Variants in CD7 observed in about 807,000 individuals in gnomAD.
CD7 encodes CD7 molecule, also known as T-cell antigen CD7.
Under a neutral mutation model 17.6 loss-of-function variants are expected in CD7, and 19 were observed. The observed-to-expected ratio is 1.08, with a 90% CI of 0.75 to 1.58. The LOEUF (loss-of-function observed/expected upper bound fraction) is 1.58. Ranked by LOEUF, CD7 falls within the 40% of genes most tolerant of loss-of-function variation. The pLI is 0.00. For synonymous variants in CD7, 160 were observed against 159.8 expected (o/e 1.00, Z -0.01); for missense variants, 291 against 327.1 (o/e 0.89, Z 0.85).
At position 82,315,337 on chromosome 17, in the gene CD7, G is replaced by C; in HGVS notation, c.707C>G (p.Pro236Arg). 1.2e-6 allele frequency: 2 copies of C among 1,612,704 alleles called. No homozygotes were observed. Among genetic ancestry groups the C allele is most frequent in the South Asian group, 1.1e-5 (1 of 91,022 alleles). The change falls in exon 4 of 4, where the codon CCC (proline) becomes CGC (arginine). Residue 236 changes from proline to arginine, a missense_variant. Coordinates refer to ENST00000312648, the MANE Select transcript of CD7 (RefSeq NM_006137.7). ...CCCACTGGGTCACTGGTACTGGTTG[G>C]GGGAGGACAGCGTGTTGCAGCGGCT... ...SHSRCNTLSS[P>R]NQYQ
Position 82,315,383 on chromosome 17 carries a change from C to G in CD7, c.661G>C (p.Val221Leu), listed in dbSNP as rs767794706. Residue 221 changes from valine (V) to leucine (L), a missense_variant, in exon 4 of 4, where the codon GTG (valine) becomes CTG (leucine). Coordinates refer to ENST00000312648, the MANE Select transcript of CD7 (RefSeq NM_006137.7). ...CGGCTGTGCGACATGTCCTCGTACACCACACATGCCGCCGAATTCTTATCC... is the reference window on the plus strand; with the variant it reads ...CGGCTGTGCGACATGTCCTCGTACAGCACACATGCCGCCGAATTCTTATCC... ...WRDKNSAACV[V>L]YEDMSHSRCN... 4 of 1,613,506 alleles carry G rather than the reference C, an allele frequency of 2.5e-6. No homozygotes were observed. The South Asian group carries it at 4.4e-5, about 18-fold the overall frequency.
In CD7 at chr17:82,315,349, G is replaced by A. The variant is rs143079752; in HGVS notation, c.695C>T (p.Thr232Met). 1.3e-4 allele frequency: 214 copies of A among 1,613,414 alleles called. No individual in the cohort carries two copies. In the East Asian group the frequency reaches 1.8e-3, roughly 14 times the overall value. The change falls in exon 4 of 4, where the codon ACG becomes ATG. Residue 232 changes from threonine to methionine, a missense_variant. By Grantham distance (81) the Thr-to-Met change is moderately conservative. Transcript: ENST00000312648. ...CTGGTACTGGTTGGGGGAGGACAGC[G>A]TGTTGCAGCGGCTGTGCGACATGTC... is the stretch of plus-strand genomic sequence containing the variant. ...YEDMSHSRCN[T>M]LSSPNQYQ
intron 2 of CD7, 32 bp downstream of exon 2, chr17:82,316,635 G>A (rs1286582146): frequency 6.3e-7 from 1 of 1,597,292 alleles, no homozygotes; most frequent in Non-Finnish European, 8.5e-7. Flanking sequence ...GCTGGGGTTG[G>A]GAGGGGGGTC....
Position 82,316,570 on chromosome 17 carries a change from C to T in CD7, c.397+97G>A, listed in dbSNP as rs563506629. ...GCTGGGAGCTGGAACAGTTCAGGCA[C>T]ATGTAGGAGGGAGGGTCCCACGACA... On this transcript the variant is annotated intron_variant, in intron 2 of 3. Coordinates refer to ENST00000312648, the MANE Select transcript of CD7 (RefSeq NM_006137.7). 25 of 1,392,138 alleles carry T rather than the reference C, an allele frequency of 1.8e-5. No individual in the cohort carries two copies. The African/African-American group carries it at 3.3e-4, about 18-fold the overall frequency. The allele number at this position is 1,392,138 out of a possible 1,614,324, so 86.2% of individuals were successfully genotyped here. A position where few individuals can be genotyped will look rare whatever the true frequency, so the allele number is the denominator to read the frequency against.
chr17:82,316,342 TG>T lies in CD7; in HGVS notation c.464del (p.Pro155HisfsTer31). ...GGTCAGGGAGGGCGGAGCCTGTCGG[TG>T]GGGCAGGGAGGGCAGAGGCCCTTGG... is the stretch of plus-strand genomic sequence containing the variant. Reference protein sequence around the residue: ...APPRASALPAPPTGSALPDPQ... With the variant: ...APPRASALPAXPTGSALPDPQ... On this transcript the variant is annotated frameshift_variant, in exon 3 of 4. Transcript: ENST00000312648. LOFTEE classifies it high-confidence loss of function. 6.3e-7 allele frequency: 1 copy of T among 1,588,816 alleles called. No individual in the cohort carries two copies. The highest frequency in any genetic ancestry group is 8.6e-7 in the Non-Finnish European group (1 of 1,167,348).
Position 82,316,748 on chromosome 17 carries a change from G to C in CD7, c.316C>G (p.Leu106Val), listed in dbSNP as rs747444160. ...CAGGTGTAGGTGCCAGTGTCCGACAGCTGCAGGCGGTGCATGGTGATAGTC... is the reference window on the plus strand; with the variant it reads ...CAGGTGTAGGTGCCAGTGTCCGACACCTGCAGGCGGTGCATGGTGATAGTC... ...NLTITMHRLQ[L>V]SDTGTYTCQA... The change falls in exon 2 of 4, where the codon CTG (leucine) becomes GTG (valine). Residue 106 changes from leucine (L) to valine (V), a missense_variant. Physicochemically the swap from Leu to Val is conservative, Grantham distance 32. Transcript: ENST00000312648. The C allele has an allele frequency of 3.7e-6, 6 of 1,613,776 alleles. No homozygotes were observed. The Admixed American group carries it at 1.0e-4, about 27-fold the overall frequency.
intron 2 of CD7, 102 bp from the exon 3 acceptor site, chr17:82,316,511 G>C (rs932966212): frequency 1.6e-6 from 2 of 1,265,582 alleles, no homozygotes; most frequent in East Asian, 2.5e-5. Flanking sequence ...AGGGGAGGAG[G>C]GGCAGCTATC....
At chr17:82,317,035 C>A (rs1002579673) in intron 1 of CD7, 54 bp from the exon 2 acceptor site, 2 of 1,481,246 alleles carry the variant, frequency 1.4e-6, no homozygotes, top group African/African-American at 1.4e-5. Context: ...CAGAGAATGT[C>A]CTCCCTGCAG....
rs760225055 is a variant in CD7 at position 82,317,481 on chromosome 17, C to T, written c.15G>A (p.Pro5=). The T allele has an allele frequency of 1.7e-5, 26 of 1,568,766 alleles. No homozygotes were observed. Among genetic ancestry groups the T allele is most frequent in the Non-Finnish European group, 2.1e-5 (24 of 1,157,678 alleles). ...GAAGCAGGGGCAGCAGCAGGAGCCT[C>T]GGAGGCCCGGCCATGTTCCCCACAC... MAGP[P]RLLLLPLLLA... The change falls in exon 1 of 4, where the codon CCG becomes CCA. Residue 5 remains proline (P), a synonymous_variant. Transcript: ENST00000312648.
Position 82,316,957 on chromosome 17 carries a change from G to A in CD7, c.107C>T (p.Thr36Met), listed in dbSNP as rs761148785. 1.5e-5 allele frequency: 24 copies of A among 1,598,640 alleles called. No individual in the cohort carries two copies. Among genetic ancestry groups the A allele is most frequent in the Non-Finnish European group, 1.9e-5 (22 of 1,176,450 alleles). ...AQEVQQSPHC[T>M]TVPVGASVNI... Reference sequence around the variant, plus strand: ...GACGGAGGCTCCCACGGGGACAGTCGTGCAGTGGGGAGACTGCTGCACCTC... The same window carrying A: ...GACGGAGGCTCCCACGGGGACAGTCATGCAGTGGGGAGACTGCTGCACCTC... The change falls in exon 2 of 4, where the codon ACG becomes ATG. Residue 36 changes from threonine to methionine, a missense_variant. Thr to Met is a moderately conservative substitution (Grantham distance 81). Transcript: ENST00000312648.
At chr17:82,317,256 CT>C in intron 1 of CD7, 157 bp downstream of exon 1, 3 of 779,234 alleles carry the variant, frequency 3.8e-6, no homozygotes, top group South Asian at 3.5e-5. Context: ...GGGGTCCACC[CT>C]TTTTCCTTCT....
chr17:82,317,136 T>A (rs1440741721), intron 1 of CD7, 155 bp from the exon 2 acceptor site: 1 of 723,562 alleles, frequency 1.4e-6, no homozygotes, highest in Non-Finnish European at 2.2e-6. Context: ...GGAGCAGATC[T>A]GGGCACCGGC....
intron 3 of CD7, 70 bp downstream of exon 3, chr17:82,316,125 G>GC (rs1055941799): frequency 2.7e-5 from 40 of 1,459,648 alleles, no homozygotes; most frequent in Admixed American, 1.2e-4. Context: ...GGGCTTTGGC[G>GC]CCCCCCACGC....
At chr17:82,316,090 C>A in intron 3 of CD7, 105 bp downstream of exon 3, 1 of 1,189,322 alleles carries the variant, frequency 8.4e-7, no homozygotes, top group South Asian at 1.3e-5. Context: ...GCAGAGGAGG[C>A]GGCGGGTACC....
chr17:82,315,916 G>T, intron 3 of CD7: 3 of 606,764 alleles, frequency 4.9e-6, no homozygotes, highest in South Asian at 4.0e-5. Context: ...CAACCTGCAC[G>T]CACAGACCTC....
At position 82,316,429 on chromosome 17, in the gene CD7, G is replaced by A. The variant is rs2052016568; in HGVS notation, c.398-20C>T. On this transcript the variant is annotated intron_variant, in intron 2 of 3. Transcript: ENST00000312648. ...GTTCCTCTGAGAAGGAAAAAAGAAGGAAGGGATTCTCCCGGTGGAGAACCT... is the reference window on the plus strand; with the variant it reads ...GTTCCTCTGAGAAGGAAAAAAGAAGAAAGGGATTCTCCCGGTGGAGAACCT... The A allele has an allele frequency of 2.6e-6, 4 of 1,540,186 alleles. No individual in the cohort carries two copies. Among genetic ancestry groups the A allele is most frequent in the Non-Finnish European group, 3.5e-6 (4 of 1,142,470 alleles).
Position 82,316,250 on chromosome 17 carries a change from A to G in CD7, c.557T>C (p.Ile186Thr). The G allele has an allele frequency of 6.4e-7, 1 of 1,574,648 alleles. No individual in the cohort carries two copies. Among genetic ancestry groups the G allele is most frequent in the Non-Finnish European group, 8.6e-7 (1 of 1,159,552 alleles). ...ASALPAALAV[I>T]SFLLGLGLGV... Reference sequence around the variant, plus strand: ...CAGGCCCAGCCCGAGGAGGAAGGAGATCACCGCCAGGGCCGCAGGGAGGGC... The same window carrying G: ...CAGGCCCAGCCCGAGGAGGAAGGAGGTCACCGCCAGGGCCGCAGGGAGGGC... The change falls in exon 3 of 4, where the codon ATC becomes ACC. Residue 186 changes from isoleucine (I) to threonine (T), a missense_variant. Ile to Thr is a moderately conservative substitution (Grantham distance 89, BLOSUM62 -1). Coordinates refer to ENST00000312648, the MANE Select transcript of CD7 (RefSeq NM_006137.7).
intron 1 of CD7, 98 bp from the exon 2 acceptor site, chr17:82,317,079 A>AGG: frequency 1.8e-6 from 2 of 1,134,468 alleles, no homozygotes; most frequent in Non-Finnish European, 2.4e-6. Context: ...GCCCTGAGAC[A>AGG]GCCCAGGGCT....
At chr17:82,316,104 G>A in intron 3 of CD7, 91 bp downstream of exon 3, 3 of 1,345,108 alleles carry the variant, frequency 2.2e-6, no homozygotes, top group Non-Finnish European at 3.1e-6. Context: ...GGGTACCAGG[G>A]TTTTCCTCTG....
Sources: allele counts gnomAD v4.1 joint callset, GRCh38; gene constraint gnomAD v4.1.1; transcripts MANE v1.5; gene names NCBI Gene and HGNC (gene_info 2026-07-23, HGNC 2026-07-21).